Variants in ATP10A observed in about 807,000 individuals in gnomAD.
ATP10A encodes the protein phospholipid-transporting ATPase VA.
ATP10A carries 111 observed loss-of-function variants against 147.8 expected under a neutral mutation model. The ratio of observed to expected loss-of-function variants is 0.75; its 90% CI spans 0.64 to 0.88. The LOEUF (loss-of-function observed/expected upper bound fraction) is 0.88. ATP10A is among the 40% of genes least tolerant of loss of function. The pLI, the probability that ATP10A is intolerant of heterozygous loss-of-function variation, is 0.00. For synonymous variants in ATP10A, 875 were observed against 841.6 expected, an observed-to-expected ratio of 1.04 and a Z score of -0.69; for missense variants, 1,927 against 1,959.0, an observed-to-expected ratio of 0.98 and a Z score of 0.31.
At chr15:25,766,075 G>C (rs1052652573) in intron 2 of ATP10A, among the ~76,000 whole-genome samples, 4 of 152,212 alleles carry the variant, frequency 2.6e-5, no homozygotes, top group African/African-American at 7.2e-5. Context: ...AAGGTGAAAG[G>C]CACTTCTTAC....
At chr15:25,676,428 G>A (rs1475055469), downstream of ATP10A, among the ~76,000 whole-genome samples, 2 of 152,202 alleles carry the variant, frequency 1.3e-5, no homozygotes, top group Non-Finnish European at 2.9e-5. Flanking sequence ...CCAAGCACTT[G>A]CAGCCATGCA....
intron 14 of ATP10A, among the ~76,000 whole-genome samples, chr15:25,694,319 C>T (rs973013965): frequency 6.6e-6 from 1 of 152,272 alleles, no homozygotes; most frequent in African/African-American, 2.4e-5. Context: ...TACTCAGAAG[C>T]CTGTCCCAGA....
intron 7 of ATP10A, 88 bp from the exon 8 acceptor site, chr15:25,718,487 A>G: frequency 7.4e-7 from 1 of 1,356,614 alleles, no homozygotes; most frequent in African/African-American, 1.4e-5. Flanking sequence ...AGGTTCCGCG[A>G]GGCTTCCGGC....
chr15:25,832,401 G>C (rs1296556188), intron 1 of ATP10A, among the ~76,000 whole-genome samples: 1 of 152,234 alleles, frequency 6.6e-6, no homozygotes, highest in Non-Finnish European at 1.5e-5. Flanking sequence ...TTTCAGCAAA[G>C]GCAGCTGCCT....
intron 1 of ATP10A, among the ~76,000 whole-genome samples, chr15:25,825,034 A>G (rs1169419283): frequency 6.6e-6 from 1 of 152,190 alleles, no homozygotes. Flanking sequence ...AACAAAACAA[A>G]ACAAAACAAG....
At chr15:25,818,502 T>C (rs1020333253) in intron 1 of ATP10A, among the ~76,000 whole-genome samples, 1 of 152,042 alleles carries the variant, frequency 6.6e-6, no homozygotes, top group Admixed American at 6.5e-5. Flanking sequence ...ACCAGAATAA[T>C]TAGTATCATT....
At chr15:25,809,312 C>A (rs1891331100) in intron 1 of ATP10A, among the ~76,000 whole-genome samples, 1 of 152,098 alleles carries the variant, frequency 6.6e-6, no homozygotes, top group Non-Finnish European at 1.5e-5. Flanking sequence ...ATGACCCAGG[C>A]ATGCACTCCC....
intron 1 of ATP10A, among the ~76,000 whole-genome samples, chr15:25,810,561 G>A (rs975499036): frequency 1.3e-5 from 2 of 152,132 alleles, no homozygotes; most frequent in African/African-American, 2.4e-5. Flanking sequence ...GGTAAAAGCC[G>A]GTCAAAGAAA....
At chr15:25,813,478 C>T (rs769164426) in intron 1 of ATP10A, among the ~76,000 whole-genome samples, 2 of 152,024 alleles carry the variant, frequency 1.3e-5, no homozygotes, top group African/African-American at 4.8e-5. Context: ...GTGAAATTCA[C>T]AATGTTAGAT....
chr15:25,862,167 G>A, intron 1 of ATP10A: 1 of 430,992 alleles, frequency 2.3e-6, no homozygotes, highest in Non-Finnish European at 4.7e-6. Flanking sequence ...ATCAGCACTT[G>A]GCGGCAGTTT....
intron 2 of ATP10A, among the ~76,000 whole-genome samples, chr15:25,758,914 C>A (rs1204977421): frequency 6.6e-6 from 1 of 152,064 alleles, no homozygotes; most frequent in Non-Finnish European, 1.5e-5. Flanking sequence ...CTGCTCCACC[C>A]TAACTCATTC....
intron 14 of ATP10A, among the ~76,000 whole-genome samples, chr15:25,692,726 C>T (rs972184457): frequency 4.6e-5 from 7 of 152,198 alleles, no homozygotes; most frequent in Non-Finnish European, 7.3e-5. Context: ...TGGTATGCAA[C>T]GATGCTCTCT....
chr15:25,775,681 A>T (rs1323541177), intron 2 of ATP10A, among the ~76,000 whole-genome samples: 1 of 152,272 alleles, frequency 6.6e-6, no homozygotes, highest in Non-Finnish European at 1.5e-5. Flanking sequence ...AGCGCTGCAC[A>T]GAGGACGTGG....
At chr15:25,798,690 G>C (rs147604646) in intron 1 of ATP10A, among the ~76,000 whole-genome samples, 12 of 152,324 alleles carry the variant, frequency 7.9e-5, no homozygotes, top group Admixed American at 2.0e-4. Flanking sequence ...CCCATCTGGT[G>C]AAACAGCGCC....
chr15:25,843,941 T>G (rs1460733052), intron 1 of ATP10A, among the ~76,000 whole-genome samples: 1 of 152,040 alleles, frequency 6.6e-6, no homozygotes, highest in Non-Finnish European at 1.5e-5. Flanking sequence ...CGCGGAGCTG[T>G]TTTAGAGTGC....
At chr15:25,734,523 T>A (rs1887151642) in intron 3 of ATP10A, among the ~76,000 whole-genome samples, 1 of 152,108 alleles carries the variant, frequency 6.6e-6, no homozygotes, top group East Asian at 1.9e-4. Context: ...CCAGCAGTGC[T>A]GAGGATGGTG....
chr15:25,852,235 A>C (rs1322311285), intron 1 of ATP10A, among the ~76,000 whole-genome samples: 1 of 151,184 alleles, frequency 6.6e-6, no homozygotes, highest in Non-Finnish European at 1.5e-5. Flanking sequence ...CCTCCTGTTA[A>C]GTGCCATCCT....
rs1901837287 is a variant in ATP10A, at chr15:25,716,741, G to A, written c.1765C>T (p.Pro589Ser). Residue 589 changes from proline to serine, a missense_variant, in exon 9 of 21, where the codon CCA becomes TCA. By Grantham distance (74) the Pro-to-Ser change is moderately conservative. Transcript: ENST00000555815. Reference sequence around the variant, plus strand: ...CCTCCAGAACTTGCCTTTGTTCGTGGCTGATCCGGGGACGTGACGACGACT... The same window carrying A: ...CCTCCAGAACTTGCCTTTGTTCGTGACTGATCCGGGGACGTGACGACGACT... ...NTVVVTSPDQPRTKVRVRFEL... is the reference protein window; with the variant it reads ...NTVVVTSPDQSRTKVRVRFEL... 1.3e-6 allele frequency: 2 copies of A among 1,586,908 alleles called. No individual in the cohort carries two copies. Among genetic ancestry groups the A allele is most frequent in the African/African-American group, 1.4e-5 (1 of 73,904 alleles).
intron 1 of ATP10A, among the ~76,000 whole-genome samples, chr15:25,786,503 T>C (rs1324897914): frequency 1.4e-4 from 21 of 151,756 alleles, no homozygotes; most frequent in Admixed American, 1.4e-3. Flanking sequence ...TCTTCAGAAG[T>C]GGACCTCCCC....
Sources: allele counts gnomAD v4.1 joint callset (sites outside exome capture counted in the v4.1 genomes callset), GRCh38; gene constraint gnomAD v4.1.1; transcripts MANE v1.5; gene names NCBI Gene and HGNC (gene_info 2026-07-23, HGNC 2026-07-21).